Variants in AGXT observed in about 807,000 individuals in gnomAD.
The protein encoded by AGXT is alanine--glyoxylate aminotransferase.
In AGXT, 41 loss-of-function variants were observed where a neutral mutation model predicts 46.9. The observed-to-expected ratio is 0.88, with a 90% CI of 0.68 to 1.14. The LOEUF (loss-of-function observed/expected upper bound fraction) is 1.14. AGXT is among the 50% of genes most tolerant of loss of function. The probability of loss-of-function intolerance (pLI) is 0.00; values close to 1 mark genes in which losing one functional copy is unlikely to be tolerated. For missense variants in AGXT, 525 were observed against 522.7 expected, an observed-to-expected ratio of 1.00 and a Z score of -0.04; for synonymous variants, 244 against 227.9, an observed-to-expected ratio of 1.07 and a Z score of -0.64.
At chr2:240,871,072 A>C (rs1406920734) in intron 3 of AGXT, 18 of 587,228 alleles carry the variant, frequency 3.1e-5, no homozygotes, top group Non-Finnish European at 5.2e-5. Context: ...GCCTACCCGG[A>C]GTGTGGGGAC....
Position 240,868,998 on chromosome 2 carries a change from A to G in AGXT, c.133A>G (p.Met45Val). 6.7e-7 allele frequency: 1 copy of G among 1,488,340 alleles called. No homozygotes were observed. The highest frequency in any genetic ancestry group is 1.2e-5 in the South Asian group (1 of 85,284). The allele number at this position is 1,488,340 out of a possible 1,614,324, so 92.2% of individuals were successfully genotyped here. The change falls in exon 1 of 11, where the codon ATG (methionine) becomes GTG (valine). Residue 45 changes from methionine (M) to valine (V), a missense_variant. By Grantham distance (21) the Met-to-Val change is conservative. Coordinates refer to ENST00000307503, the MANE Select transcript of AGXT (RefSeq NM_000030.3). ...PRIMAAGGLQ[M>V]IGSMSKDMYQ... ...CATCATGGCAGCCGGGGGGCTGCAG[A>G]TGATCGGGTCCATGAGCAAGGATAT...
At position 240,880,189 on chromosome 2, in the gene AGXT, T is replaced by G. The variant is rs1048775360; in HGVS notation, c.*1368T>G. 2.0e-5 allele frequency: 3 copies of G among 152,222 alleles called. No individual in the cohort carries two copies. Among genetic ancestry groups the G allele is most frequent in the Non-Finnish European group, 4.4e-5 (3 of 68,048 alleles). The allele number at this position is 152,222 out of a possible 1,614,324, so 9.4% of individuals were successfully genotyped here. On this transcript the variant is annotated 3_prime_UTR_variant, in exon 11 of 11. Coordinates refer to ENST00000307503, the MANE Select transcript of AGXT (RefSeq NM_000030.3). ...GGGTCATACAATAGGCTTAACCTTA[T>G]ACGAGACTGCCACGAAATTCTCCGA...
chr2:240,872,138 G>A (rs978294015), intron 4 of AGXT, among the ~76,000 whole-genome samples: 5 of 152,206 alleles, frequency 3.3e-5, no homozygotes, highest in African/African-American at 2.4e-5. Flanking sequence ...AAACCTGGAG[G>A]TGGAGGAGGG....
chr2:240,871,138 C>T, intron 3 of AGXT: 1 of 620,486 alleles, frequency 1.6e-6, no homozygotes, highest in South Asian at 1.9e-5. Context: ...GGGCACCCTC[C>T]TCCATCTCTG....
rs199841711 is a variant in AGXT at position 240,876,010 on chromosome 2, T to C, written c.846+6T>C. ...TGGCCCTCATTGCGGAACAGGTGCATGGGCTGCACTCCACAGGAGGAGACA... is the reference window on the plus strand; with the variant it reads ...TGGCCCTCATTGCGGAACAGGTGCACGGGCTGCACTCCACAGGAGGAGACA... On this transcript the variant is annotated splice_donor_region_variant and intron_variant, in intron 8 of 10. Transcript: ENST00000307503. The C allele has an allele frequency of 8.1e-6, 13 of 1,613,894 alleles. No homozygotes were observed. Among genetic ancestry groups the C allele is most frequent in the African/African-American group, 2.7e-5 (2 of 75,040 alleles).
intron 9 of AGXT, 137 bp downstream of exon 9, chr2:240,877,769 G>T (rs1304979136): frequency 1.9e-6 from 2 of 1,067,086 alleles, no homozygotes; most frequent in Non-Finnish European, 2.7e-6. Flanking sequence ...CGGTGCCAGG[G>T]ATTAGTCTCG....
In AGXT at chr2:240,879,261, C is replaced by G. The variant is rs569235099; in HGVS notation, c.*440C>G. Reference sequence around the variant, plus strand: ...CTGGAGGAGGTGCTGTCACCACACTCTAGCCCCAGATGTCACACCCCCAAA... The same window carrying G: ...CTGGAGGAGGTGCTGTCACCACACTGTAGCCCCAGATGTCACACCCCCAAA... On this transcript the variant is annotated 3_prime_UTR_variant, in exon 11 of 11. Transcript: ENST00000307503. 30 of 255,472 alleles carry G rather than the reference C, an allele frequency of 1.2e-4. No individual in the cohort carries two copies. Among genetic ancestry groups the G allele is most frequent in the East Asian group, 1.0e-3 (9 of 8,848 alleles). The allele number at this position is 255,472 out of a possible 1,614,324, so 15.8% of individuals were successfully genotyped here.
At chr2:240,870,069 A>G (rs2058983409) in intron 2 of AGXT, among the ~76,000 whole-genome samples, 1 of 152,166 alleles carries the variant, frequency 6.6e-6, no homozygotes, top group Non-Finnish European at 1.5e-5. Context: ...CCTGTGGTAT[A>G]TGGCTTCCCT....
chr2:240,877,508 A>G lies in AGXT; in HGVS notation c.847-29A>G, dbSNP rs11901056. 1,452 of 1,530,420 alleles carry G rather than the reference A, an allele frequency of 9.5e-4. 10 individuals are homozygous for G. The African/African-American group carries it at 0.017, about 17-fold the overall frequency. 94.8% of individuals were successfully genotyped at this position (1,530,420 alleles called of 1,614,324 possible). On this transcript the variant is annotated intron_variant, in intron 8 of 10. Transcript: ENST00000307503. ...GCTTCCTGCCCACCCCACCCATGTCACTGCCCACCAGCGCCATCTCCCACA... is the reference window on the plus strand; with the variant it reads ...GCTTCCTGCCCACCCCACCCATGTCGCTGCCCACCAGCGCCATCTCCCACA...
rs773611094 is a variant in AGXT, at chr2:240,868,914, C to A, written c.49C>A (p.Pro17Thr). 1 of 1,613,316 alleles carries A rather than the reference C, an allele frequency of 6.2e-7. No homozygotes were observed. The highest frequency in any genetic ancestry group is 8.5e-7 in the Non-Finnish European group (1 of 1,180,010). ...LVTPPKALLKPLSIPNQLLLG... is the reference protein window; with the variant it reads ...LVTPPKALLKTLSIPNQLLLG... Reference sequence around the variant, plus strand: ...GACCCCCCCCAAGGCCCTGCTCAAGCCCCTCTCCATCCCCAACCAGCTCCT... The same window carrying A: ...GACCCCCCCCAAGGCCCTGCTCAAGACCCTCTCCATCCCCAACCAGCTCCT... The change falls in exon 1 of 11, where the codon CCC becomes ACC. Residue 17 changes from proline (P) to threonine (T), a missense_variant. Pro to Thr is a conservative substitution (Grantham distance 38, BLOSUM62 -1). Coordinates refer to ENST00000307503, the MANE Select transcript of AGXT (RefSeq NM_000030.3).
chr2:240,876,818 G>A (rs904196418), intron 8 of AGXT: 12 of 168,172 alleles, frequency 7.1e-5, no homozygotes, highest in Non-Finnish European at 7.7e-5. Context: ...AAAGGCTCTA[G>A]GGTCGTAAAG....
chr2:240,869,464 C>T (rs2058979736), intron 2 of AGXT, 102 bp downstream of exon 2: 10 of 1,347,836 alleles, frequency 7.4e-6, no homozygotes, highest in Admixed American at 2.7e-5. Context: ...TGGGTGAGCG[C>T]TTACCCACCT....
At chr2:240,876,362 G>A (rs1290902468) in intron 8 of AGXT, among the ~76,000 whole-genome samples, 1 of 152,242 alleles carries the variant, frequency 6.6e-6, no homozygotes, top group African/African-American at 2.4e-5. Context: ...TAAAGTGAGG[G>A]TTGGCAGTTC....
intron 8 of AGXT, among the ~76,000 whole-genome samples, chr2:240,876,304 G>A (rs544223993): frequency 1.1e-3 from 173 of 152,312 alleles, no homozygotes; most frequent in African/African-American, 4.0e-3. Context: ...GGGAGAAGGG[G>A]AGGCCGAAGG....
intron 10 of AGXT, 113 bp from the exon 11 acceptor site, chr2:240,878,601 C>A: frequency 9.9e-7 from 1 of 1,005,924 alleles, no homozygotes; most frequent in Non-Finnish European, 1.5e-6. Flanking sequence ...CTCATGGACG[C>A]TGGGTGGGTG....
intron 8 of AGXT, 140 bp from the exon 9 acceptor site, chr2:240,877,397 G>A (rs1264053398): frequency 8.6e-6 from 7 of 816,736 alleles, no homozygotes; most frequent in Non-Finnish European, 1.2e-5. Flanking sequence ...CCCTGCCCCA[G>A]GCAAAGTCAA....
chr2:240,880,226 C>T lies in AGXT; in HGVS notation c.*1405C>T, dbSNP rs1272895871. 6.6e-6 allele frequency: 1 copy of T among 152,168 alleles called. No individual in the cohort carries two copies. The highest frequency in any genetic ancestry group is 1.5e-5 in the Non-Finnish European group (1 of 68,044). 9.4% of individuals were successfully genotyped at this position (152,168 alleles called of 1,614,324 possible). On this transcript the variant is annotated 3_prime_UTR_variant, in exon 11 of 11. Coordinates refer to ENST00000307503, the MANE Select transcript of AGXT (RefSeq NM_000030.3). ...ACGAAATTCTCCGAAGTGGCTCTTC[C>T]ATGTTTCATTCCCGCAGCTACAGCG...
At position 240,870,548 on chromosome 2, in the gene AGXT, C is replaced by A. The variant is rs2058985569; in HGVS notation, c.359-96C>A. 5.6e-6 allele frequency: 8 copies of A among 1,431,406 alleles called. 1 individual carries two copies. In the South Asian group the frequency reaches 7.4e-5, roughly 13 times the overall value. The allele number at this position is 1,431,406 out of a possible 1,614,324, so 88.7% of individuals were successfully genotyped here. On this transcript the variant is annotated intron_variant, in intron 2 of 10. Transcript: ENST00000307503. ...GGGTGCCACGGTGGGTGGGGTCCAG[C>A]CCTCACAGGGCCCTGCTCAGCAGGG...
In AGXT at chr2:240,880,062, T is replaced by C. The variant is rs1162152773; in HGVS notation, c.*1241T>C. 1 of 152,242 alleles carries C rather than the reference T, an allele frequency of 6.6e-6. No individual in the cohort carries two copies. The highest frequency in any genetic ancestry group is 1.5e-5 in the Non-Finnish European group (1 of 68,046). 9.4% of individuals were successfully genotyped at this position (152,242 alleles called of 1,614,324 possible). ...TTGAGCATCTGGGTTATTTCTATTT[T>C]GGGGCTGTTATGAATACGGAGGTAG... is the stretch of plus-strand genomic sequence containing the variant. On this transcript the variant is annotated 3_prime_UTR_variant, in exon 11 of 11. Transcript: ENST00000307503.
Sources: gnomAD v4.1 joint callset for allele counts (sites outside exome capture counted in the v4.1 genomes callset) on GRCh38, gnomAD v4.1.1 for gene constraint, MANE v1.5 for transcripts, NCBI Gene and HGNC (gene_info 2026-07-23, HGNC 2026-07-21) for gene names.